The following LAMB2 variants were observed in gnomAD, a reference collection of about 807,000 sequenced individuals.
The protein encoded by LAMB2 is laminin subunit beta 2.
Under a neutral mutation model 202.7 loss-of-function variants are expected in LAMB2, and 119 were observed. The ratio of observed to expected loss-of-function variants is 0.59; its 90% CI spans 0.51 to 0.68. The LOEUF (loss-of-function observed/expected upper bound fraction) is 0.68. Ranked by LOEUF, LAMB2 falls within the 30% of genes least tolerant of loss-of-function variation. LAMB2 has a pLI of 0.00. For missense variants in LAMB2, 2,124 were observed against 2,410.6 expected (o/e 0.88, Z 2.49); for synonymous variants, 818 against 902.2 (o/e 0.91, Z 1.67).
chr3:49,127,761 C>T (rs1265957134), intron 15 of LAMB2, among the ~76,000 whole-genome samples: 12 of 151,478 alleles, frequency 7.9e-5, no homozygotes, highest in Non-Finnish European at 1.8e-4. Flanking sequence ...TGGCTCACAC[C>T]TGTAATCCCA....
intron 17 of LAMB2, 38 bp downstream of exon 17, chr3:49,125,929 C>T: frequency 6.2e-7 from 1 of 1,614,110 alleles, no homozygotes; most frequent in Non-Finnish European, 8.5e-7. Flanking sequence ...GGCTGGGTCC[C>T]CACCTCTGCC....
chr3:49,133,024 A>T lies in LAMB2; in HGVS notation c.-157T>A. The T allele has an allele frequency of 1.5e-6, 1 of 672,914 alleles. No individual in the cohort carries two copies. Among genetic ancestry groups the T allele is most frequent in the African/African-American group, 1.8e-5 (1 of 56,066 alleles). 41.7% of individuals were successfully genotyped at this position (672,914 alleles called of 1,614,324 possible). On this transcript the variant is annotated 5_prime_UTR_variant, in exon 1 of 32. Transcript: ENST00000305544. ...CCAGGTCTGTCCAGCGGTCCCTCCGACAGCTTAGAGTCCAGCGACTTTGAG... is the reference window on the plus strand; with the variant it reads ...CCAGGTCTGTCCAGCGGTCCCTCCGTCAGCTTAGAGTCCAGCGACTTTGAG...
At position 49,131,836 on chromosome 3, in the gene LAMB2, G is replaced by A; in HGVS notation, c.460-113C>T. On this transcript the variant is annotated intron_variant, in intron 4 of 31. Transcript: ENST00000305544. This position sits in a 1 kb window ranked among gnomAD's most constrained non-coding sequence, Gnocchi z 5.0. ...CCTCAAATAGCTCACAGAGAGTGGG[G>A]GTGACTGGTGGAAGCCAGATAATGA... 2 of 1,160,286 alleles carry A rather than the reference G, an allele frequency of 1.7e-6. No individual in the cohort carries two copies. The highest frequency in any genetic ancestry group is 1.2e-6 in the Non-Finnish European group (1 of 801,102). 71.9% of individuals were successfully genotyped at this position (1,160,286 alleles called of 1,614,324 possible). A position where few individuals can be genotyped will look rare whatever the true frequency, so the allele number is the denominator to read the frequency against.
intron 28 of LAMB2, 25 bp from the exon 29 acceptor site, chr3:49,122,110 C>G (rs760710401): frequency 6.2e-7 from 1 of 1,613,422 alleles, no homozygotes; most frequent in Non-Finnish European, 8.5e-7. Context: ...GAATCAGAAC[C>G]TGGAGGTATC....
At position 49,123,729 on chromosome 3, in the gene LAMB2, G is replaced by A. The variant is rs777670303; in HGVS notation, c.3796C>T (p.Arg1266Trp). ...AQLVEATEELRREIGEATEHL... is the reference protein window; with the variant it reads ...AQLVEATEELWREIGEATEHL... ...ATGTATTCTTAGGCCCTTCCGCACC[G>A]CAGCTCCTCTGTGGCCTCCACAAGC... The change falls in exon 24 of 32, where the codon CGG becomes TGG. Residue 1266 changes from arginine to tryptophan, a missense_variant and splice_region_variant. By Grantham distance (101) the Arg-to-Trp change is moderately radical. Around this residue, in one of 3 missense-constraint regions of LAMB2, gnomAD observed 1,702 missense variants for 1,896.3 expected, o/e 0.90. Transcript: ENST00000305544. The A allele has an allele frequency of 5.0e-6, 8 of 1,613,436 alleles. No homozygotes were observed. The highest frequency in any genetic ancestry group is 3.3e-5 in the South Asian group (3 of 91,082).
rs1395895999 is a variant in LAMB2 at position 49,122,583 on chromosome 3, A to G, written c.4573+121T>C. 3.0e-6 allele frequency: 3 copies of G among 1,004,306 alleles called. No individual in the cohort carries two copies. In the African/African-American group the frequency reaches 4.7e-5, roughly 16 times the overall value. 62.2% of individuals were successfully genotyped at this position (1,004,306 alleles called of 1,614,324 possible). A position where few individuals can be genotyped will look rare whatever the true frequency, so the allele number is the denominator to read the frequency against. On this transcript the variant is annotated intron_variant, in intron 27 of 31. Coordinates refer to ENST00000305544, the MANE Select transcript of LAMB2 (RefSeq NM_002292.4). ...TGGGCAATAACTCAGGAGCCAGTCA[A>G]GGGATCATAAACACTAATCCAGTGT...
chr3:49,129,964 T>A lies in LAMB2; in HGVS notation c.1280A>T (p.Asp427Val). The A allele has an allele frequency of 6.2e-7, 1 of 1,614,044 alleles. No homozygotes were observed. The highest frequency in any genetic ancestry group is 1.3e-5 in the African/African-American group (1 of 75,050). ...SQDGGRCDSHDDPALGLVSGQ... is the reference protein window; with the variant it reads ...SQDGGRCDSHVDPALGLVSGQ... Reference sequence around the variant, plus strand: ...GGAGACCAGTCCCAGTGCAGGGTCATCATGGGAATCACAGCGACCACCGTC... The same window carrying A: ...GGAGACCAGTCCCAGTGCAGGGTCAACATGGGAATCACAGCGACCACCGTC... Residue 427 changes from aspartate (D) to valine (V), a missense_variant, in exon 10 of 32, where the codon GAT (aspartate) becomes GTT (valine). Around this residue, in one of 3 missense-constraint regions of LAMB2, gnomAD observed 1,702 missense variants for 1,896.3 expected, o/e 0.90. Transcript: ENST00000305544. The surrounding 1 kb of genome is among the most constrained non-coding windows in gnomAD (Gnocchi z 6.1).
Position 49,128,441 on chromosome 3 carries a change from A to G in LAMB2, c.2018+17T>C. The stretch of plus-strand genomic sequence containing the variant: ...ACAACCCCCTGCCATTGTGAGTGCT[A>G]CCACCAGTGCCCTCACCTGGCATGT... On this transcript the variant is annotated intron_variant, in intron 15 of 31. Transcript: ENST00000305544. 6.2e-7 allele frequency: 1 copy of G among 1,612,660 alleles called. No homozygotes were observed. Among genetic ancestry groups the G allele is most frequent in the Non-Finnish European group, 8.5e-7 (1 of 1,179,502 alleles).
chr3:49,129,739 G>C lies in LAMB2; in HGVS notation c.1406-23C>G, dbSNP rs1328074837. The C allele has an allele frequency of 6.2e-7, 1 of 1,610,736 alleles. No individual in the cohort carries two copies. The highest frequency in any genetic ancestry group is 1.7e-5 in the Admixed American group (1 of 60,012). On this transcript the variant is annotated intron_variant, in intron 10 of 31. Coordinates refer to ENST00000305544, the MANE Select transcript of LAMB2 (RefSeq NM_002292.4). This position sits in a 1 kb window ranked among gnomAD's most constrained non-coding sequence, Gnocchi z 6.1. ...ATCCTGCAGGGAAGGAGAACCATCA[G>C]CACTTTGGGAAACTGTGGCAGTGCT...
rs1332797887 is a variant in LAMB2 at position 49,122,160 on chromosome 3, G to A, written c.4781+3C>T. On this transcript the variant is annotated splice_donor_region_variant and intron_variant, in intron 28 of 31. Transcript: ENST00000305544. Reference sequence around the variant, plus strand: ...GGGATAGGGGCCAGGGATGGGGTCAGACCTTGCCCGCCGTGCATCCTGCAG... The same window carrying A: ...GGGATAGGGGCCAGGGATGGGGTCAAACCTTGCCCGCCGTGCATCCTGCAG... 3 of 1,613,418 alleles carry A rather than the reference G, an allele frequency of 1.9e-6. No individual in the cohort carries two copies. The African/African-American group carries it at 4.0e-5, about 22-fold the overall frequency.
Position 49,122,116 on chromosome 3 carries a change from G to A in LAMB2, c.4782-31C>T, listed in dbSNP as rs753292797. The stretch of plus-strand genomic sequence containing the variant: ...GAGAAGGGGGAATCAGAACCTGGAG[G>A]TATCAAAACCAGGTGTCAGGGATAG... On this transcript the variant is annotated intron_variant, in intron 28 of 31. Transcript: ENST00000305544. 4.3e-6 allele frequency: 7 copies of A among 1,613,282 alleles called. No homozygotes were observed. The East Asian group carries it at 8.9e-5, about 21-fold the overall frequency.
Position 49,132,695 on chromosome 3 carries a change from G to A in LAMB2, c.77-32C>T. ...ACAGTAGCTCAGTCAGTTCCGCTGA[G>A]TTCCTATCCAGTGGCTCCACCTCAT... On this transcript the variant is annotated intron_variant, in intron 1 of 31. Coordinates refer to ENST00000305544, the MANE Select transcript of LAMB2 (RefSeq NM_002292.4). The surrounding 1 kb of genome is among the most constrained non-coding windows in gnomAD (Gnocchi z 4.6). 6.2e-7 allele frequency: 1 copy of A among 1,614,118 alleles called. No individual in the cohort carries two copies. Among genetic ancestry groups the A allele is most frequent in the South Asian group, 1.1e-5 (1 of 91,078 alleles).
chr3:49,131,310 G>C lies in LAMB2; in HGVS notation c.712+69C>G. 3 of 1,564,982 alleles carry C rather than the reference G, an allele frequency of 1.9e-6. No individual in the cohort carries two copies. In the South Asian group the frequency reaches 3.4e-5, roughly 18 times the overall value. ...CCTGCCCTAGGAAGCACCCAAAATA[G>C]TTACTGAGGCCCCAAATAGTCCCTA... On this transcript the variant is annotated intron_variant, in intron 6 of 31. Coordinates refer to ENST00000305544, the MANE Select transcript of LAMB2 (RefSeq NM_002292.4). The surrounding 1 kb of genome is among the most constrained non-coding windows in gnomAD (Gnocchi z 5.0).
chr3:49,123,711 C>T lies in LAMB2; in HGVS notation c.3797+17G>A, dbSNP rs1289297508. Reference sequence around the variant, plus strand: ...CCTCTGCCCCATCCCACCATGTATTCTTAGGCCCTTCCGCACCGCAGCTCC... The same window carrying T: ...CCTCTGCCCCATCCCACCATGTATTTTTAGGCCCTTCCGCACCGCAGCTCC... On this transcript the variant is annotated intron_variant, in intron 24 of 31. Coordinates refer to ENST00000305544, the MANE Select transcript of LAMB2 (RefSeq NM_002292.4). 6.2e-7 allele frequency: 1 copy of T among 1,613,462 alleles called. No homozygotes were observed. Among genetic ancestry groups the T allele is most frequent in the East Asian group, 2.2e-5 (1 of 44,902 alleles).
At position 49,130,595 on chromosome 3, in the gene LAMB2, G is replaced by C; in HGVS notation, c.1036+145C>G. 2.9e-6 allele frequency: 4 copies of C among 1,393,808 alleles called. No individual in the cohort carries two copies. The Admixed American group carries it at 6.7e-5, about 23-fold the overall frequency. 86.3% of individuals were successfully genotyped at this position (1,393,808 alleles called of 1,614,324 possible). A position where few individuals can be genotyped will look rare whatever the true frequency, so the allele number is the denominator to read the frequency against. ...CCAGAGCAGACTGCAGAGGAGGATT[G>C]AGGGGGTCCCAAGGGGCATCAAGGT... On this transcript the variant is annotated intron_variant, in intron 8 of 31. Coordinates refer to ENST00000305544, the MANE Select transcript of LAMB2 (RefSeq NM_002292.4). The surrounding 1 kb of genome is among the most constrained non-coding windows in gnomAD (Gnocchi z 5.0).
Position 49,122,069 on chromosome 3 carries a change from C to T in LAMB2, c.4798G>A (p.Glu1600Lys). The stretch of plus-strand genomic sequence containing the variant: ...TGTACTGTCTCTGCCTTCTGTTTCT[C>T]ATCCTCAGCCCAGCTCCTGGGGAGA... ...ARRARSWAED[E>K]KQKAETVQAA... The change falls in exon 29 of 32, where the codon GAG (glutamate) becomes AAG (lysine). Residue 1600 changes from glutamate to lysine, a missense_variant. By Grantham distance (56) the Glu-to-Lys change is moderately conservative (BLOSUM62 1). Transcript: ENST00000305544. 6.2e-7 allele frequency: 1 copy of T among 1,613,532 alleles called. No individual in the cohort carries two copies. The highest frequency in any genetic ancestry group is 8.5e-7 in the Non-Finnish European group (1 of 1,180,030).
rs200960013 is a variant in LAMB2, at chr3:49,123,927, C to G, written c.3598G>C (p.Val1200Leu). 7.4e-6 allele frequency: 12 copies of G among 1,613,322 alleles called. No homozygotes were observed. In the Admixed American group the frequency reaches 1.2e-4, roughly 16 times the overall value. ...GTACGGGCTGCCAAGTCCTGCACCA[C>G]TCGGTCCCAATCCCCGAAGCATGCA... is the stretch of plus-strand genomic sequence containing the variant. ...CHACFGDWDRVVQDLAARTQR... is the reference protein window; with the variant it reads ...CHACFGDWDRLVQDLAARTQR... The change falls in exon 24 of 32, where the codon GTG becomes CTG. Residue 1200 changes from valine to leucine, a missense_variant. Coordinates refer to ENST00000305544, the MANE Select transcript of LAMB2 (RefSeq NM_002292.4).
chr3:49,129,228 C>T lies in LAMB2; in HGVS notation c.1598+17G>A. 1 of 1,614,128 alleles carries T rather than the reference C, an allele frequency of 6.2e-7. No homozygotes were observed. The highest frequency in any genetic ancestry group is 1.1e-5 in the South Asian group (1 of 91,088). ...ATCTTTCCCCATCCCTTCCCAGGCC[C>T]CCTTTACAACACTTACTGGGGATCC... On this transcript the variant is annotated intron_variant, in intron 12 of 31. Transcript: ENST00000305544. This position sits in a 1 kb window ranked among gnomAD's most constrained non-coding sequence, Gnocchi z 6.1.
chr3:49,122,214 A>G lies in LAMB2; in HGVS notation c.4730T>C (p.Val1577Ala), dbSNP rs756483996. 6 of 1,613,338 alleles carry G rather than the reference A, an allele frequency of 3.7e-6. No homozygotes were observed. The highest frequency in any genetic ancestry group is 5.1e-6 in the Non-Finnish European group (6 of 1,180,032). ...ADVDAILART[V>A]GDVRRAEQLL... The stretch of plus-strand genomic sequence containing the variant: ...CTGCTCGGCACGACGCACATCTCCT[A>G]CAGTACGTGCCAGGATCGCATCCAC... The change falls in exon 28 of 32, where the codon GTA becomes GCA. Residue 1577 changes from valine (V) to alanine (A), a missense_variant. This residue lies in a region of LAMB2 where 1,702 missense variants were observed against 1,896.3 expected (regional missense o/e 0.90). Transcript: ENST00000305544.
Sources: allele counts gnomAD v4.1 joint callset (sites outside exome capture counted in the v4.1 genomes callset), GRCh38; gene constraint gnomAD v4.1.1; regional missense constraint gnomAD v4.1.1; non-coding constraint Gnocchi (gnomAD v3.1); transcripts MANE v1.5; gene names NCBI Gene and HGNC (gene_info 2026-07-23, HGNC 2026-07-21).